CLIP2: variants seen among roughly 807,000 people sequenced by gnomAD.
The protein encoded by CLIP2 is CAP-Gly domain containing linker protein 2, also known as CAP-Gly domain-containing linker protein 2.
In CLIP2, 41 loss-of-function variants were observed where a neutral mutation model predicts 111.7. That is an observed-to-expected ratio of 0.37 (90% CI 0.29 to 0.48). CLIP2 has a LOEUF of 0.48. CLIP2 is among the 20% of genes least tolerant of loss of function. The pLI is 0.99. For missense variants in CLIP2, 1,160 were observed against 1,422.1 expected (o/e 0.82, Z 2.96); for synonymous variants, 660 against 644.2 (o/e 1.02, Z -0.37).
intron 5 of CLIP2, among the ~76,000 whole-genome samples, chr7:74,357,000 GGA>G (rs1790165999): frequency 6.6e-6 from 1 of 152,118 alleles, no homozygotes; most frequent in South Asian, 2.1e-4. Flanking sequence ...TCCTTTCCCA[GGA>G]AAAAGTGGCC....
At chr7:74,323,281 G>A (rs1205617240) in intron 2 of CLIP2, among the ~76,000 whole-genome samples, 1 of 151,242 alleles carries the variant, frequency 6.6e-6, no homozygotes, top group African/African-American at 2.4e-5. Context: ...TGGCTAACTT[G>A]TAAATTTTTT....
At chr7:74,372,468 CTG>C (rs760125775) in intron 8 of CLIP2, among the ~76,000 whole-genome samples, 37 of 150,120 alleles carry the variant, frequency 2.5e-4, no homozygotes, top group South Asian at 8.4e-4. Context: ...TGTGGGTCTC[CTG>C]TGTGGAGGAT....
At chr7:74,355,393 T>C (rs998111663) in intron 4 of CLIP2, among the ~76,000 whole-genome samples, 1 of 152,168 alleles carries the variant, frequency 6.6e-6, no homozygotes, top group East Asian at 1.9e-4. Context: ...GAGGATCACT[T>C]GAAGCCAGCA....
At chr7:74,330,503 T>A (rs1554731154) in intron 2 of CLIP2, among the ~76,000 whole-genome samples, 1 of 152,078 alleles carries the variant, frequency 6.6e-6, no homozygotes, top group African/African-American at 2.4e-5. Context: ...GTGATCCGCC[T>A]GCCTTGGTCT....
At chr7:74,388,987 A>G in intron 12 of CLIP2, 116 bp from the exon 13 acceptor site, 11 of 1,256,318 alleles carry the variant, frequency 8.8e-6, no homozygotes, top group African/African-American at 1.5e-5. Context: ...GCAGTGGGGT[A>G]TGTCACCTTC....
intron 11 of CLIP2, 185 bp from the exon 12 acceptor site, chr7:74,386,336 G>A (rs527980559): frequency 2.3e-5 from 11 of 484,698 alleles, no homozygotes; most frequent in South Asian, 1.2e-4. Context: ...CACCACGCCC[G>A]GCCAGTGTCA....
chr7:74,302,026 C>T (rs1554726950), intron 1 of CLIP2, among the ~76,000 whole-genome samples: 1 of 151,886 alleles, frequency 6.6e-6, no homozygotes, highest in Non-Finnish European at 1.5e-5. Context: ...TTGACTCATT[C>T]TAATGGTAAT....
At chr7:74,337,514 G>A (rs1789508408) in intron 2 of CLIP2, among the ~76,000 whole-genome samples, 2 of 152,088 alleles carry the variant, frequency 1.3e-5, no homozygotes, top group Admixed American at 6.6e-5. Flanking sequence ...TGGTGGGGGG[G>A]TGGCTTGTAA....
At chr7:74,342,026 A>G (rs1336448075) in intron 3 of CLIP2, among the ~76,000 whole-genome samples, 1 of 152,062 alleles carries the variant, frequency 6.6e-6, no homozygotes, top group Non-Finnish European at 1.5e-5. Context: ...TGGCCTAGTG[A>G]TGTGGGGCCA....
intron 14 of CLIP2, among the ~76,000 whole-genome samples, chr7:74,397,953 C>T (rs2116708143): frequency 6.6e-6 from 1 of 151,720 alleles, no homozygotes; most frequent in Middle Eastern, 3.4e-3. Context: ...AGGTGTCAGC[C>T]ACTGCGCCCG....
At chr7:74,382,921 C>G (rs2116673166) in intron 11 of CLIP2, among the ~76,000 whole-genome samples, 1 of 150,632 alleles carries the variant, frequency 6.6e-6, no homozygotes, top group East Asian at 2.0e-4. Flanking sequence ...AAAATACCCC[C>G]CTCCAAAAAT....
intron 1 of CLIP2, among the ~76,000 whole-genome samples, chr7:74,303,505 G>C (rs1212472854): frequency 6.6e-6 from 1 of 152,030 alleles, no homozygotes; most frequent in African/African-American, 2.4e-5. Context: ...CTGGCAGTGA[G>C]CATTTTGGGG....
At chr7:74,358,763 G>A (rs1226843356) in intron 6 of CLIP2, among the ~76,000 whole-genome samples, 1 of 151,816 alleles carries the variant, frequency 6.6e-6, no homozygotes, top group Non-Finnish European at 1.5e-5. Context: ...TGGAGACGGA[G>A]TCTTGCTATG....
chr7:74,372,873 G>GCC, intron 8 of CLIP2, 59 bp from the exon 9 acceptor site: 1 of 602,738 alleles, frequency 1.7e-6, no homozygotes, highest in Non-Finnish European at 2.8e-6. Flanking sequence ...TCTTCCCTGT[G>GCC]CCCCCCTCCC....
Position 74,338,573 on chromosome 7 carries a change from G to C in CLIP2, c.247G>C (p.Glu83Gln). 1 of 1,579,572 alleles carries C rather than the reference G, an allele frequency of 6.3e-7. No individual in the cohort carries two copies. The part of the protein sequence containing the change: ...DDFLGDFVVG[E>Q]RVWVNGVKPG... ...CTTCCTGGGGGACTTTGTGGTGGGC[G>C]AGCGGGTGTGGGTGAACGGCGTGAA... The change falls in exon 3 of 17, where the codon GAG becomes CAG. Residue 83 changes from glutamate (E) to glutamine (Q), a missense_variant. By Grantham distance (29) the Glu-to-Gln change is conservative. This residue lies in a region of CLIP2 where 301 missense variants were observed against 315.2 expected (regional missense o/e 0.96). Coordinates refer to ENST00000223398, the MANE Select transcript of CLIP2 (RefSeq NM_003388.5). The surrounding 1 kb of genome is among the most constrained non-coding windows in gnomAD (Gnocchi z 4.3).
chr7:74,309,826 C>CAA (rs34735020), intron 1 of CLIP2, among the ~76,000 whole-genome samples: 2 of 128,098 alleles, frequency 1.6e-5, no homozygotes, highest in African/African-American at 3.2e-5. Flanking sequence ...GACTCCATCT[C>CAA]AAAAAAAAAA....
intron 3 of CLIP2, among the ~76,000 whole-genome samples, chr7:74,339,903 C>T (rs1789609319): frequency 6.6e-6 from 1 of 151,552 alleles, no homozygotes; most frequent in South Asian, 2.1e-4. Context: ...GCCTGGGCAA[C>T]ATAGTGAGAC....
At chr7:74,315,054 T>A (rs1297932276) in intron 1 of CLIP2, among the ~76,000 whole-genome samples, 1 of 151,868 alleles carries the variant, frequency 6.6e-6, no homozygotes, top group East Asian at 1.9e-4. Context: ...GGCGGGAGGA[T>A]CACTTGAGGT....
chr7:74,381,308 C>T (rs1004576860), intron 11 of CLIP2, among the ~76,000 whole-genome samples: 9 of 152,106 alleles, frequency 5.9e-5, no homozygotes, highest in Non-Finnish European at 1.0e-4. Flanking sequence ...CCTGCCTCAG[C>T]CTCCCGAGTA....
Sources: allele counts gnomAD v4.1 joint callset (sites outside exome capture counted in the v4.1 genomes callset), GRCh38; gene constraint gnomAD v4.1.1; regional missense constraint gnomAD v4.1.1; non-coding constraint Gnocchi (gnomAD v3.1); transcripts MANE v1.5; gene names NCBI Gene and HGNC (gene_info 2026-07-23, HGNC 2026-07-21).